The following MMP16 variants were observed in gnomAD, a reference collection of about 807,000 sequenced individuals.
MMP16 encodes the protein matrix metallopeptidase 16, also known as matrix metalloproteinase-16.
MMP16 carries 12 observed loss-of-function variants against 67.8 expected under a neutral mutation model. The observed-to-expected ratio is 0.18, with a 90% CI of 0.11 to 0.29. The LOEUF (loss-of-function observed/expected upper bound fraction) is 0.29. Ranked by LOEUF, MMP16 falls within the 10% of genes least tolerant of loss-of-function variation. The pLI is 1.00. For synonymous variants in MMP16, 249 were observed against 255.9 expected (o/e 0.97, Z 0.26); for missense variants, 475 against 765.7 (o/e 0.62, Z 4.48).
At chr8:88,046,519 A>C (rs1007206001) in intron 9 of MMP16, 150 bp downstream of exon 9, 4 of 390,910 alleles carry the variant, frequency 1.0e-5, no homozygotes, top group African/African-American at 8.3e-5. Context: ...TGATATGTAA[A>C]TCTAGGAAAA....
At chr8:88,241,454 T>C (rs1486249966) in intron 1 of MMP16, among the ~76,000 whole-genome samples, 1 of 152,108 alleles carries the variant, frequency 6.6e-6, no homozygotes, top group African/African-American at 2.4e-5. Context: ...TTGATAAATA[T>C]GAACATTTGA....
intron 1 of MMP16, among the ~76,000 whole-genome samples, chr8:88,248,108 G>A (rs987307918): frequency 6.6e-6 from 1 of 151,884 alleles, no homozygotes; most frequent in African/African-American, 2.4e-5. Context: ...CTGAGGCTGG[G>A]GCTGCATTAG....
intron 1 of MMP16, among the ~76,000 whole-genome samples, chr8:88,270,106 A>C (rs1810542589): frequency 6.6e-6 from 1 of 152,182 alleles, no homozygotes. Context: ...CAGTTCTTTA[A>C]GACAAAGAAC....
At chr8:88,201,523 G>A (rs1459405775) in intron 1 of MMP16, among the ~76,000 whole-genome samples, 1 of 152,006 alleles carries the variant, frequency 6.6e-6, no homozygotes, top group African/African-American at 2.4e-5. Flanking sequence ...ACTTGATTAT[G>A]TAAACATTTT....
chr8:88,193,704 A>T (rs1045647816), intron 2 of MMP16, among the ~76,000 whole-genome samples: 1 of 152,060 alleles, frequency 6.6e-6, no homozygotes, highest in Non-Finnish European at 1.5e-5. Context: ...AGTACCCTAT[A>T]AATATATAGG....
At chr8:88,242,551 C>G (rs1008941145) in intron 1 of MMP16, among the ~76,000 whole-genome samples, 8 of 152,080 alleles carry the variant, frequency 5.3e-5, no homozygotes, top group Non-Finnish European at 7.4e-5. Flanking sequence ...AAACCAAGAT[C>G]TCATAAACTG....
chr8:88,285,152 GTTT>G (rs901919486), intron 1 of MMP16, among the ~76,000 whole-genome samples: 3 of 151,880 alleles, frequency 2.0e-5, no homozygotes, highest in African/African-American at 7.3e-5. Flanking sequence ...TGTTGTTGTT[GTTT>G]TTGAGATGGA....
intron 4 of MMP16, among the ~76,000 whole-genome samples, chr8:88,132,821 T>G (rs1282898161): frequency 1.3e-5 from 2 of 151,898 alleles, no homozygotes; most frequent in Non-Finnish European, 2.9e-5. Flanking sequence ...GGGGGCTGGT[T>G]ACTCCAACAC....
At chr8:88,121,595 CA>C (rs1250271152) in intron 4 of MMP16, among the ~76,000 whole-genome samples, 1 of 151,908 alleles carries the variant, frequency 6.6e-6, no homozygotes, top group Non-Finnish European at 1.5e-5. Context: ...TCACATTATT[CA>C]AAATCCTTAA....
chr8:88,203,040 T>G (rs1809368492), intron 1 of MMP16, among the ~76,000 whole-genome samples: 1 of 150,266 alleles, frequency 6.7e-6, no homozygotes, highest in Admixed American at 6.6e-5. Context: ...TAATCTCAAT[T>G]AAACTTGCAA....
At chr8:88,139,531 G>A (rs1007922497) in intron 4 of MMP16, among the ~76,000 whole-genome samples, 2 of 151,776 alleles carry the variant, frequency 1.3e-5, no homozygotes, top group Non-Finnish European at 2.9e-5. Context: ...TGTATTCTCT[G>A]TCTACACAGT....
chr8:88,234,198 T>C (rs1307792599), intron 1 of MMP16, among the ~76,000 whole-genome samples: 1 of 152,222 alleles, frequency 6.6e-6, no homozygotes, highest in Non-Finnish European at 1.5e-5. Flanking sequence ...TATTACCGAA[T>C]AGCAGATAAG....
intron 1 of MMP16, among the ~76,000 whole-genome samples, chr8:88,248,354 T>C (rs1245160144): frequency 6.6e-6 from 1 of 152,062 alleles, no homozygotes; most frequent in African/African-American, 2.4e-5. Context: ...ATTCACCAGA[T>C]TGACTAAAGA....
intron 1 of MMP16, among the ~76,000 whole-genome samples, chr8:88,198,881 A>G (rs1809297905): frequency 6.6e-6 from 1 of 152,068 alleles, no homozygotes; most frequent in African/African-American, 2.4e-5. Context: ...CAGGGAAAAT[A>G]TGAATATTCA....
At chr8:88,145,505 T>C (rs1808276441) in intron 4 of MMP16, among the ~76,000 whole-genome samples, 1 of 151,892 alleles carries the variant, frequency 6.6e-6, no homozygotes, top group African/African-American at 2.4e-5. Context: ...CATAAAACAA[T>C]TTCAATAGAG....
chr8:88,133,187 G>A (rs140334335), intron 4 of MMP16, among the ~76,000 whole-genome samples: 86 of 151,502 alleles, frequency 5.7e-4, no homozygotes, highest in South Asian at 2.1e-3. Flanking sequence ...AAAAAGAATC[G>A]TATTGAATTA....
chr8:88,191,241 A>T (rs75955030), intron 2 of MMP16, among the ~76,000 whole-genome samples: 5,384 of 152,266 alleles, frequency 0.035, 153 homozygotes, highest in African/African-American at 0.073. Context: ...CTGACTCAAT[A>T]GTCCTATGAC....
intron 1 of MMP16, among the ~76,000 whole-genome samples, chr8:88,250,284 G>T (rs928511945): frequency 6.6e-6 from 1 of 151,904 alleles, no homozygotes; most frequent in African/African-American, 2.4e-5. Context: ...TCCATATAAA[G>T]ATCTACTTAA....
rs1168102029 is a variant in MMP16 at position 88,279,694 on chromosome 8, G to C, written c.132+47381C>G. ...ACTGTAAACGGGGCCACTGCATTTGGTAATCAAAATGGAAAAACAAAATAT... is the reference window on the plus strand; with the variant it reads ...ACTGTAAACGGGGCCACTGCATTTGCTAATCAAAATGGAAAAACAAAATAT... On this transcript the variant is annotated intron_variant, in intron 1 of 9. Transcript: ENST00000286614. Among the ~76,000 whole-genome samples the C allele has an allele frequency of 4.6e-5, 7 of 152,054 alleles. 1 individual carries two copies. The East Asian group carries it at 1.4e-3, about 30-fold the overall frequency.
Sources: allele counts gnomAD v4.1 joint callset (sites outside exome capture counted in the v4.1 genomes callset), GRCh38; gene constraint gnomAD v4.1.1; transcripts MANE v1.5; gene names NCBI Gene and HGNC (gene_info 2026-07-23, HGNC 2026-07-21).